The following BCAS3 variants were observed in gnomAD, a reference collection of about 807,000 sequenced individuals.
BCAS3 encodes BCAS3 microtubule associated cell migration factor.
Under a neutral mutation model 116.1 loss-of-function variants are expected in BCAS3, and 53 were observed. That is an observed-to-expected ratio of 0.46 (90% CI 0.37 to 0.57). BCAS3 has a LOEUF of 0.57. Among genes scored for constraint, BCAS3 ranks in the 20% least tolerant of loss-of-function variants. The pLI is 0.00. For missense variants in BCAS3, 917 were observed against 1,165.4 expected (o/e 0.79, Z 3.10); for synonymous variants, 391 against 408.2 (o/e 0.96, Z 0.51).
rs2047681537 is a variant in BCAS3, at chr17:61,243,366, A to G, written c.2426-124961A>G. ...TCTATATACTATATTTTCTTTATCC[A>G]TTCATTCATGGATGGACATTTAGTT... On this transcript the variant is annotated intron_variant, in intron 22 of 23. Coordinates refer to ENST00000407086, the MANE Select transcript of BCAS3 (RefSeq NM_017679.5). The surrounding 1 kb of genome is among the most constrained non-coding windows in gnomAD (Gnocchi z 5.6). 6.6e-6 allele frequency among the ~76,000 whole-genome samples: 1 copy of G among 152,120 alleles called. No individual in the cohort carries two copies. The highest frequency in any genetic ancestry group is 6.5e-5 in the Admixed American group (1 of 15,280).
intron 8 of BCAS3, 149 bp downstream of exon 8, chr17:60,868,832 T>G: frequency 4.1e-6 from 2 of 487,630 alleles, no homozygotes; most frequent in Non-Finnish European, 7.1e-6. Context: ...GGAATAACTC[T>G]AAGATTTCTT....
chr17:61,154,916 GTTT>G (rs61237614), intron 22 of BCAS3, among the ~76,000 whole-genome samples: 33 of 143,822 alleles, frequency 2.3e-4, no homozygotes, highest in Middle Eastern at 3.5e-3. Flanking sequence ...AATGCAACTG[GTTT>G]TTTTTTTTTG....
intron 22 of BCAS3, among the ~76,000 whole-genome samples, chr17:61,294,687 C>T (rs1331404923): frequency 6.6e-6 from 1 of 152,150 alleles, no homozygotes; most frequent in Admixed American, 6.5e-5. Context: ...TCTCTTCTGT[C>T]CCTGTATTTG....
chr17:60,725,097 C>G (rs1486280009), intron 5 of BCAS3, among the ~76,000 whole-genome samples: 5 of 152,162 alleles, frequency 3.3e-5, no homozygotes, highest in African/African-American at 9.7e-5. Context: ...CCAAAGCAGT[C>G]CATCTGCCTA....
chr17:61,213,289 C>T lies in BCAS3; in HGVS notation c.2425+128725C>T, dbSNP rs2081580971. Among the ~76,000 whole-genome samples, 1 of 152,220 alleles carries T rather than the reference C, an allele frequency of 6.6e-6. No homozygotes were observed. Among genetic ancestry groups the T allele is most frequent in the East Asian group, 1.9e-4 (1 of 5,186 alleles). On this transcript the variant is annotated intron_variant, in intron 22 of 23. Transcript: ENST00000407086. This position sits in a 1 kb window ranked among gnomAD's most constrained non-coding sequence, Gnocchi z 5.4. ...GGTTCAAGCGATCCTCCTGCCTCAGCTTCTCGAGTAGCTGGGATTACAGGC... is the reference window on the plus strand; with the variant it reads ...GGTTCAAGCGATCCTCCTGCCTCAGTTTCTCGAGTAGCTGGGATTACAGGC...
In BCAS3 at chr17:61,004,787, G is replaced by A. The variant is rs1639306568; in HGVS notation, c.1487-10964G>A. Among the ~76,000 whole-genome samples, 1 of 152,130 alleles carries A rather than the reference G, an allele frequency of 6.6e-6. No individual in the cohort carries two copies. The highest frequency in any genetic ancestry group is 2.1e-4 in the South Asian group (1 of 4,834). ...TGAAGCTAGAATGAGGCACAAGAGG[G>A]AAATTACTATTTCAGAATGGACCAA... On this transcript the variant is annotated intron_variant, in intron 15 of 23. Coordinates refer to ENST00000407086, the MANE Select transcript of BCAS3 (RefSeq NM_017679.5). This position sits in a 1 kb window ranked among gnomAD's most constrained non-coding sequence, Gnocchi z 4.8.
At chr17:61,289,314 C>T (rs1296351515) in intron 22 of BCAS3, among the ~76,000 whole-genome samples, 1 of 152,188 alleles carries the variant, frequency 6.6e-6, no homozygotes, top group Non-Finnish European at 1.5e-5. Context: ...TTCCAGACAT[C>T]TTCACATGAT....
rs1186171621 is a variant in BCAS3, at chr17:61,004,237, A to G, written c.1487-11514A>G. Among the ~76,000 whole-genome samples the G allele has an allele frequency of 2.0e-5, 3 of 152,180 alleles. No individual in the cohort carries two copies. Among genetic ancestry groups the G allele is most frequent in the African/African-American group, 7.2e-5 (3 of 41,446 alleles). ...ATGGAAATCTGGAGATGGAATTTTT[A>G]GTTGCTGAAGTGAATGAATGTAAAA... On this transcript the variant is annotated intron_variant, in intron 15 of 23. Transcript: ENST00000407086. This position sits in a 1 kb window ranked among gnomAD's most constrained non-coding sequence, Gnocchi z 4.8.
At chr17:60,920,037 C>T (rs2058990993) in intron 12 of BCAS3, among the ~76,000 whole-genome samples, 1 of 152,088 alleles carries the variant, frequency 6.6e-6, no homozygotes, top group African/African-American at 2.4e-5. Context: ...GCAAATGTAT[C>T]AGACCCAAAT....
At chr17:61,206,368 ACTTT>A (rs2081123818) in intron 22 of BCAS3, among the ~76,000 whole-genome samples, 1 of 152,190 alleles carries the variant, frequency 6.6e-6, no homozygotes, top group African/African-American at 2.4e-5. Flanking sequence ...GCGGAGGGTC[ACTTT>A]CTTTATATTT....
At chr17:61,116,070 A>G (rs2075417336) in intron 22 of BCAS3, among the ~76,000 whole-genome samples, 1 of 133,166 alleles carries the variant, frequency 7.5e-6, no homozygotes, top group South Asian at 2.6e-4. Context: ...GAAGGGGAAT[A>G]TCACACTCTG....
chr17:60,784,715 A>G (rs1037560010), intron 6 of BCAS3, among the ~76,000 whole-genome samples: 2 of 152,132 alleles, frequency 1.3e-5, no homozygotes, highest in African/African-American at 4.8e-5. Flanking sequence ...GGGATTACAG[A>G]TACATGCTAC....
rs139954506 is a variant in BCAS3 at position 60,740,352 on chromosome 17, G to A, written c.322-6846G>A. Among the ~76,000 whole-genome samples the A allele has an allele frequency of 3.0e-3, 452 of 151,886 alleles. 5 individuals carry two copies. The highest frequency in any genetic ancestry group is 0.017 in the East Asian group (87 of 5,160). ...CTACAAAAACATACAAAAAAATTCAGCTGGGCATGGTGGTGGGCACCTGTA... is the reference window on the plus strand; with the variant it reads ...CTACAAAAACATACAAAAAAATTCAACTGGGCATGGTGGTGGGCACCTGTA... On this transcript the variant is annotated intron_variant, in intron 5 of 23. Coordinates refer to ENST00000407086, the MANE Select transcript of BCAS3 (RefSeq NM_017679.5).
In BCAS3 at chr17:61,352,942, G is replaced by A. The variant is rs879904595; in HGVS notation, c.2426-15385G>A. 4.3e-4 allele frequency among the ~76,000 whole-genome samples: 65 copies of A among 152,308 alleles called. No individual in the cohort carries two copies. Among genetic ancestry groups the A allele is most frequent in the African/African-American group, 1.4e-3 (58 of 41,554 alleles). Reference sequence around the variant, plus strand: ...CTTTAATGGAGTGTTAACCCCCGTCGCTGGAACTCATGTTAATGCCTAACA... The same window carrying A: ...CTTTAATGGAGTGTTAACCCCCGTCACTGGAACTCATGTTAATGCCTAACA... On this transcript the variant is annotated intron_variant, in intron 22 of 23. Transcript: ENST00000407086. This position sits in a 1 kb window ranked among gnomAD's most constrained non-coding sequence, Gnocchi z 4.7.
At chr17:61,301,492 C>T (rs576869254) in intron 22 of BCAS3, among the ~76,000 whole-genome samples, 1 of 152,210 alleles carries the variant, frequency 6.6e-6, no homozygotes, top group East Asian at 1.9e-4. Flanking sequence ...AAAAAATTAG[C>T]TGGGCGTGGT....
chr17:60,803,196 C>A (rs1051205559), intron 6 of BCAS3, among the ~76,000 whole-genome samples: 4 of 152,176 alleles, frequency 2.6e-5, no homozygotes, highest in African/African-American at 9.7e-5. Flanking sequence ...TTCACCTTTA[C>A]CCAGTGTCCT....
rs1367321080 is a variant in BCAS3, at chr17:61,215,823, G to A, written c.2425+131259G>A. On this transcript the variant is annotated intron_variant, in intron 22 of 23. Coordinates refer to ENST00000407086, the MANE Select transcript of BCAS3 (RefSeq NM_017679.5). This position sits in a 1 kb window ranked among gnomAD's most constrained non-coding sequence, Gnocchi z 4.8. ...CCTTGGAGACCTTTTAAAAATTCCA[G>A]TTGAAGTTGGAGCTTAGGCATCAGT... Among the ~76,000 whole-genome samples the A allele has an allele frequency of 1.3e-5, 2 of 152,140 alleles. No individual in the cohort carries two copies. Among genetic ancestry groups the A allele is most frequent in the Non-Finnish European group, 2.9e-5 (2 of 68,032 alleles).
intron 14 of BCAS3, among the ~76,000 whole-genome samples, chr17:60,950,519 G>A (rs903033694): frequency 2.0e-5 from 3 of 152,122 alleles, no homozygotes; most frequent in Non-Finnish European, 2.9e-5. Flanking sequence ...ACAGAGTCTC[G>A]CTGTGTTGCC....
Position 61,391,848 on chromosome 17 carries a change from G to A in BCAS3, c.2594-129G>A. The A allele has an allele frequency of 1.0e-6, 1 of 1,002,812 alleles. No homozygotes were observed. The highest frequency in any genetic ancestry group is 1.5e-6 in the Non-Finnish European group (1 of 680,268). The allele number at this position is 1,002,812 out of a possible 1,614,324, so 62.1% of individuals were successfully genotyped here. A position where few individuals can be genotyped will look rare whatever the true frequency, so the allele number is the denominator to read the frequency against. Reference sequence around the variant, plus strand: ...CCCCTGCCCATCCAGGGAGCAGGCGGGGATCCCCCTGCGGAAGGACACAAG... The same window carrying A: ...CCCCTGCCCATCCAGGGAGCAGGCGAGGATCCCCCTGCGGAAGGACACAAG... On this transcript the variant is annotated intron_variant, in intron 23 of 23. Transcript: ENST00000407086. This position sits in a 1 kb window ranked among gnomAD's most constrained non-coding sequence, Gnocchi z 7.7.
Sources: gnomAD v4.1 joint callset for allele counts (sites outside exome capture counted in the v4.1 genomes callset) on GRCh38, gnomAD v4.1.1 for gene constraint, Gnocchi (gnomAD v3.1) non-coding constraint, MANE v1.5 for transcripts, NCBI Gene and HGNC (gene_info 2026-07-23, HGNC 2026-07-21) for gene names.